The following NKAIN2 variants were observed in gnomAD, a reference collection of about 807,000 sequenced individuals.
The protein encoded by NKAIN2 is sodium/potassium-transporting ATPase subunit beta-1-interacting protein 2.
Under a neutral mutation model 32.6 loss-of-function variants are expected in NKAIN2, and 14 were observed. The observed-to-expected ratio is 0.43, with a 90% CI of 0.28 to 0.67. The LOEUF (loss-of-function observed/expected upper bound fraction) is 0.67, where lower values mean the gene tolerates loss of function less well. Ranked by LOEUF, NKAIN2 falls within the 30% of genes least tolerant of loss-of-function variation. The pLI, the probability that NKAIN2 is intolerant of heterozygous loss-of-function variation, is 0.17. For synonymous variants in NKAIN2, 80 were observed against 87.2 expected, an observed-to-expected ratio of 0.92 and a Z score of 0.46; for missense variants, 198 against 258.3, an observed-to-expected ratio of 0.77 and a Z score of 1.60.
intron 1 of NKAIN2, among the ~76,000 whole-genome samples, chr6:124,013,352 T>C (rs1780423173): frequency 6.6e-6 from 1 of 152,216 alleles, no homozygotes; most frequent in South Asian, 2.1e-4. Flanking sequence ...GTTTTTGTTG[T>C]ACTATTGAAG....
chr6:124,293,766 C>CT (rs1795922509), intron 2 of NKAIN2, among the ~76,000 whole-genome samples: 1 of 151,812 alleles, frequency 6.6e-6, no homozygotes, highest in Non-Finnish European at 1.5e-5. Flanking sequence ...TTCTGCATAC[C>CT]CTTTTTTGCT....
At chr6:123,938,753 T>C (rs1050637814) in intron 1 of NKAIN2, among the ~76,000 whole-genome samples, 1 of 150,960 alleles carries the variant, frequency 6.6e-6, no homozygotes, top group African/African-American at 2.4e-5. Context: ...TCATGGAAAG[T>C]TAGACTGGTA....
chr6:124,295,442 C>T (rs1489332790), intron 2 of NKAIN2, among the ~76,000 whole-genome samples: 1 of 152,156 alleles, frequency 6.6e-6, no homozygotes, highest in East Asian at 1.9e-4. Flanking sequence ...CTAAGACAAA[C>T]AGCCCCATAG....
intron 4 of NKAIN2, among the ~76,000 whole-genome samples, chr6:124,771,520 A>G (rs1212844407): frequency 6.6e-6 from 1 of 152,190 alleles, no homozygotes; most frequent in Non-Finnish European, 1.5e-5. Flanking sequence ...GAGTTCTATT[A>G]TTGTCATTGT....
rs905642384 is a variant in NKAIN2, at chr6:123,883,653, T to G, written c.54+79399T>G. ...TAAACCTCTTTTTTAAAAAAAAATT[T>G]TTTTTAAAATTTTAAAAAACCTCTT... On this transcript the variant is annotated intron_variant, in intron 1 of 6. Transcript: ENST00000368417. 1.5e-3 allele frequency among the ~76,000 whole-genome samples: 168 copies of G among 108,508 alleles called. 1 individual carries two copies. The highest frequency in any genetic ancestry group is 5.1e-3 in the African/African-American group (163 of 31,880). 71.2% of individuals were successfully genotyped at this position (108,508 alleles called of 152,430 possible).
At chr6:124,064,419 A>G (rs1783064592) in intron 1 of NKAIN2, among the ~76,000 whole-genome samples, 1 of 152,048 alleles carries the variant, frequency 6.6e-6, no homozygotes, top group South Asian at 2.1e-4. Context: ...TCTGGCTGGC[A>G]AGTCACTCCT....
chr6:124,345,703 C>T (rs1205654027), intron 2 of NKAIN2, among the ~76,000 whole-genome samples: 22 of 151,722 alleles, frequency 1.5e-4, no homozygotes, highest in African/African-American at 5.1e-4. Context: ...TTTTTTATTG[C>T]GTCTATTTGA....
intron 3 of NKAIN2, among the ~76,000 whole-genome samples, chr6:124,485,499 A>G (rs1174757843): frequency 6.6e-6 from 1 of 152,134 alleles, no homozygotes; most frequent in African/African-American, 2.4e-5. Flanking sequence ...ATAAATTATA[A>G]ATAAATACAT....
At chr6:124,057,268 T>C (rs1782699106) in intron 1 of NKAIN2, among the ~76,000 whole-genome samples, 2 of 152,074 alleles carry the variant, frequency 1.3e-5, no homozygotes, top group African/African-American at 4.8e-5. Flanking sequence ...AACAGGTTGT[T>C]CTCATTCATC....
At chr6:124,761,865 GA>G (rs1226437677) in intron 4 of NKAIN2, among the ~76,000 whole-genome samples, 3 of 152,062 alleles carry the variant, frequency 2.0e-5, no homozygotes, top group East Asian at 3.9e-4. Context: ...ATGAATTTTG[GA>G]AAAAACAGAA....
chr6:124,307,978 A>AT (rs1554280213), intron 2 of NKAIN2, among the ~76,000 whole-genome samples: 3 of 152,180 alleles, frequency 2.0e-5, no homozygotes, highest in Non-Finnish European at 2.9e-5. Context: ...TTTAAAAAAA[A>AT]TTTTTTTTAT....
chr6:124,555,754 G>A (rs1780451716), intron 3 of NKAIN2, among the ~76,000 whole-genome samples: 1 of 152,132 alleles, frequency 6.6e-6, no homozygotes, highest in African/African-American at 2.4e-5. Flanking sequence ...TATTACACTT[G>A]CATTATCAAG....
At chr6:124,686,543 C>T (rs1336905668) in intron 4 of NKAIN2, among the ~76,000 whole-genome samples, 2 of 152,070 alleles carry the variant, frequency 1.3e-5, no homozygotes, top group African/African-American at 4.8e-5. Flanking sequence ...AGCACTAAAC[C>T]ATTCATGAAA....
chr6:124,293,550 T>C (rs1048409237), intron 2 of NKAIN2, among the ~76,000 whole-genome samples: 1 of 152,168 alleles, frequency 6.6e-6, no homozygotes, highest in African/African-American at 2.4e-5. Context: ...GATACTTTCA[T>C]GAATGGTAGC....
intron 4 of NKAIN2, among the ~76,000 whole-genome samples, chr6:124,686,254 A>G (rs765013437): frequency 6.6e-6 from 1 of 152,176 alleles, no homozygotes; most frequent in Admixed American, 6.5e-5. Flanking sequence ...TACAACCTGT[A>G]TTAGTCTGTT....
chr6:124,541,656 T>C (rs1779917196), intron 3 of NKAIN2, among the ~76,000 whole-genome samples: 1 of 152,158 alleles, frequency 6.6e-6, no homozygotes, highest in Admixed American at 6.5e-5. Flanking sequence ...AGGGAAAGAT[T>C]AGGTCATGTT....
chr6:124,289,348 G>T (rs1456661308), intron 2 of NKAIN2, among the ~76,000 whole-genome samples: 1 of 152,036 alleles, frequency 6.6e-6, no homozygotes, highest in East Asian at 1.9e-4. Context: ...GTGAGGCAAG[G>T]TCAGCTTCAG....
chr6:123,837,024 A>C (rs938388495), intron 1 of NKAIN2, among the ~76,000 whole-genome samples: 1 of 152,122 alleles, frequency 6.6e-6, no homozygotes, highest in Non-Finnish European at 1.5e-5. Context: ...TGTTTGTTAC[A>C]TTCATTCATA....
chr6:124,379,670 G>A (rs62434752), intron 3 of NKAIN2, among the ~76,000 whole-genome samples: 7,265 of 152,146 alleles, frequency 0.048, 282 homozygotes, highest in Non-Finnish European at 0.069. Flanking sequence ...TCATTTCTAT[G>A]ATTACAAAAC....
Sources: gnomAD v4.1 joint callset for allele counts (sites outside exome capture counted in the v4.1 genomes callset) on GRCh38, gnomAD v4.1.1 for gene constraint, MANE v1.5 for transcripts, NCBI Gene and HGNC (gene_info 2026-07-23, HGNC 2026-07-21) for gene names.